Variants in FGF12 observed in about 807,000 individuals in gnomAD.
FGF12 encodes fibroblast growth factor 12.
FGF12 carries 14 observed loss-of-function variants against 23.6 expected under a neutral mutation model. The observed-to-expected ratio is 0.59, with a 90% CI of 0.39 to 0.93. FGF12 has a LOEUF of 0.93. Ranked by LOEUF, FGF12 falls within the 40% of genes least tolerant of loss-of-function variation. The probability of loss-of-function intolerance (pLI) is 0.00; values close to 1 mark genes in which losing one functional copy is unlikely to be tolerated. For synonymous variants in FGF12, 62 were observed against 77.3 expected (o/e 0.80, Z 1.04); for missense variants, 175 against 217.8 (o/e 0.80, Z 1.24).
intron 2 of FGF12, among the ~76,000 whole-genome samples, chr3:192,669,881 C>T (rs1435018583): frequency 6.6e-6 from 1 of 152,080 alleles, no homozygotes; most frequent in East Asian, 1.9e-4. Flanking sequence ...GATATTAAAG[C>T]ATATTCCATC....
chr3:192,421,042 G>A (rs543236378), intron 2 of FGF12, among the ~76,000 whole-genome samples: 9 of 152,222 alleles, frequency 5.9e-5, no homozygotes, highest in African/African-American at 2.2e-4. Flanking sequence ...GATATTCGAC[G>A]AGAATCGACA....
rs1713271017 is a variant in FGF12 at position 192,139,834 on chromosome 3, A to T, written c.*4175T>A. The T allele has an allele frequency of 6.6e-6, 1 of 152,092 alleles. No individual in the cohort carries two copies. The highest frequency in any genetic ancestry group is 6.5e-5 in the Admixed American group (1 of 15,268). 9.4% of individuals were successfully genotyped at this position (152,092 alleles called of 1,614,324 possible). On this transcript the variant is annotated 3_prime_UTR_variant, in exon 6 of 6. Coordinates refer to ENST00000445105, the MANE Select transcript of FGF12 (RefSeq NM_004113.6). ...ACTTGGGCTCCAGGAAAAATCCTGA[A>T]AAAGAAAGATCAGCATCTAGCATCC...
At chr3:192,201,638 G>A (rs1717372326) in intron 4 of FGF12, among the ~76,000 whole-genome samples, 1 of 151,722 alleles carries the variant, frequency 6.6e-6, no homozygotes, top group South Asian at 2.1e-4. Context: ...ACCACCATCA[G>A]CCCATAACTG....
At chr3:192,305,666 GAAAAA>G (rs10663137) in intron 4 of FGF12, among the ~76,000 whole-genome samples, 2 of 125,174 alleles carry the variant, frequency 1.6e-5, no homozygotes, top group African/African-American at 6.0e-5. Context: ...GGTGGCTTAG[GAAAAA>G]AAAAAAAAAT....
chr3:192,261,852 G>A (rs1038924021), intron 4 of FGF12, among the ~76,000 whole-genome samples: 4 of 152,120 alleles, frequency 2.6e-5, no homozygotes, highest in Non-Finnish European at 5.9e-5. Context: ...TGCTTTATGG[G>A]GAAAGAAGTG....
intron 4 of FGF12, among the ~76,000 whole-genome samples, chr3:192,195,051 T>C (rs927281885): frequency 1.3e-5 from 2 of 152,230 alleles, no homozygotes; most frequent in African/African-American, 2.4e-5. Flanking sequence ...ATTGTGGTTG[T>C]CTTGGAGCCA....
chr3:192,418,502 T>C (rs1256854824), intron 2 of FGF12, among the ~76,000 whole-genome samples: 9 of 152,058 alleles, frequency 5.9e-5, no homozygotes, highest in Admixed American at 5.9e-4. Flanking sequence ...AGGTTAAAAG[T>C]GTTTGAGGGA....
intron 2 of FGF12, among the ~76,000 whole-genome samples, chr3:192,634,876 T>C (rs966587203): frequency 6.6e-6 from 1 of 152,220 alleles, no homozygotes; most frequent in Non-Finnish European, 1.5e-5. Context: ...TTTTTCTTTT[T>C]TGCAACAGAG....
chr3:192,606,390 G>T (rs1219716008), intron 2 of FGF12, among the ~76,000 whole-genome samples: 1 of 151,948 alleles, frequency 6.6e-6, no homozygotes, highest in Non-Finnish European at 1.5e-5. Context: ...GGAGAAAGAG[G>T]GTGCAGGGGT....
intron 2 of FGF12, among the ~76,000 whole-genome samples, chr3:192,686,708 G>A (rs1226560913): frequency 6.6e-6 from 1 of 151,234 alleles, no homozygotes; most frequent in Non-Finnish European, 1.5e-5. Flanking sequence ...GGAGGTATAT[G>A]AGGGAAAGAG....
chr3:192,556,765 G>T (rs545782637), intron 2 of FGF12, among the ~76,000 whole-genome samples: 3 of 152,090 alleles, frequency 2.0e-5, no homozygotes, highest in African/African-American at 4.8e-5. Flanking sequence ...GTGTTGGGTC[G>T]CAAAAGGAGT....
rs3044628 is a variant in FGF12, at chr3:192,649,724, A to AT, written c.13+77456dup. 2.3e-3 allele frequency among the ~76,000 whole-genome samples: 341 copies of AT among 149,076 alleles called. 1 individual carries two copies. The highest frequency in any genetic ancestry group is 7.0e-3 in the African/African-American group (282 of 40,508). On this transcript the variant is annotated intron_variant, in intron 2 of 5. Coordinates refer to ENST00000445105, the MANE Select transcript of FGF12 (RefSeq NM_004113.6). ...GCGTGCACCGTCACATGCCTGGCTA[A>AT]TTTTTTTTTTATTTTTTGTGGAGAT...
intron 2 of FGF12, among the ~76,000 whole-genome samples, chr3:192,506,422 G>A (rs116665243): frequency 0.084 from 12,796 of 152,328 alleles, 622 homozygotes; most frequent in Admixed American, 0.19. Context: ...CCAGGCTGGA[G>A]TGCAGTGGCA....
intron 4 of FGF12, among the ~76,000 whole-genome samples, chr3:192,208,604 A>C (rs1197796482): frequency 3.9e-5 from 6 of 152,218 alleles, no homozygotes; most frequent in Non-Finnish European, 5.9e-5. Flanking sequence ...TTGTGAATAG[A>C]TATTTCACGA....
chr3:192,192,131 A>G (rs553432074), intron 4 of FGF12, among the ~76,000 whole-genome samples: 1 of 152,292 alleles, frequency 6.6e-6, no homozygotes, highest in Non-Finnish European at 1.5e-5. Flanking sequence ...AACATGCTAA[A>G]TGAAGATCTG....
Position 192,271,903 on chromosome 3 carries a change from T to A in FGF12, c.228+63458A>T, listed in dbSNP as rs530656865. ...ATTTCCCAGGCTACAGACTGACTCC[T>A]TGGTTTACTGAGACGTCTTAAAACG... On this transcript the variant is annotated intron_variant, in intron 4 of 5. Coordinates refer to ENST00000445105, the MANE Select transcript of FGF12 (RefSeq NM_004113.6). 2.6e-5 allele frequency among the ~76,000 whole-genome samples: 4 copies of A among 152,306 alleles called. No homozygotes were observed. In the East Asian group the frequency reaches 7.7e-4, roughly 29 times the overall value.
At chr3:192,493,213 C>T (rs1479522146) in intron 2 of FGF12, among the ~76,000 whole-genome samples, 1 of 152,000 alleles carries the variant, frequency 6.6e-6, no homozygotes, top group African/African-American at 2.4e-5. Flanking sequence ...CAGATTTCTT[C>T]CTTGAACCTC....
At chr3:192,349,824 C>A (rs933052776) in intron 3 of FGF12, among the ~76,000 whole-genome samples, 3 of 152,032 alleles carry the variant, frequency 2.0e-5, no homozygotes, top group African/African-American at 7.2e-5. Flanking sequence ...TCAAGCTGGG[C>A]ATTGTCACGC....
chr3:192,181,977 A>G (rs2108635047), intron 4 of FGF12, among the ~76,000 whole-genome samples: 1 of 152,346 alleles, frequency 6.6e-6, no homozygotes, highest in South Asian at 2.1e-4. Context: ...AATGAAAAAA[A>G]AGAACATAAT....
Sources: allele counts gnomAD v4.1 joint callset (sites outside exome capture counted in the v4.1 genomes callset), GRCh38; gene constraint gnomAD v4.1.1; transcripts MANE v1.5; gene names NCBI Gene and HGNC (gene_info 2026-07-23, HGNC 2026-07-21).